Variants in WWOX observed in about 807,000 individuals in gnomAD.
WWOX encodes the protein WW domain-containing oxidoreductase.
Under a neutral mutation model 46.2 loss-of-function variants are expected in WWOX, and 69 were observed. The observed-to-expected ratio is 1.49, with a 90% CI of 1.23 to 1.82. WWOX has a LOEUF of 1.82. Among genes scored for constraint, WWOX ranks in the 40% most tolerant of loss-of-function variants. The probability of loss-of-function intolerance (pLI) is 0.00; values close to 1 mark genes in which losing one functional copy is unlikely to be tolerated. For synonymous variants in WWOX, 359 were observed against 202.6 expected, an observed-to-expected ratio of 1.77 and a Z score of -6.56; for missense variants, 919 against 542.6, an observed-to-expected ratio of 1.69 and a Z score of -6.89.
intron 8 of WWOX, among the ~76,000 whole-genome samples, chr16:78,640,575 T>C (rs1384263373): frequency 2.0e-5 from 3 of 152,132 alleles, no homozygotes; most frequent in African/African-American, 7.2e-5. Flanking sequence ...CAAACCACCA[T>C]GGCACACATT....
intron 5 of WWOX, among the ~76,000 whole-genome samples, chr16:78,219,131 A>T (rs79071273): frequency 0.018 from 2,747 of 152,210 alleles, 89 homozygotes; most frequent in African/African-American, 0.062. Context: ...CTCCTACATG[A>T]TAGAGACTAG....
At position 78,503,736 on chromosome 16, in the gene WWOX, C is replaced by T. The variant is rs542675001; in HGVS notation, c.1056+70984C>T. ...TCCAGTTAAAGAGCCTGTGTTCTAT[C>T]AGTTTACCCAGAAACTAGAAGGCCT... On this transcript the variant is annotated intron_variant, in intron 8 of 8. Coordinates refer to ENST00000566780, the MANE Select transcript of WWOX (RefSeq NM_016373.4). The T allele has an allele frequency of 7.2e-5, 11 of 152,300 alleles. No individual in the cohort carries two copies. In the South Asian group the frequency reaches 2.3e-3, roughly 32 times the overall value. 9.4% of individuals were successfully genotyped at this position (152,300 alleles called of 1,614,324 possible).
rs141749830 is a variant in WWOX at position 78,676,337 on chromosome 16, C to A, written c.1056+243585C>A. On this transcript the variant is annotated intron_variant, in intron 8 of 8. Coordinates refer to ENST00000566780, the MANE Select transcript of WWOX (RefSeq NM_016373.4). ...TTGTCCCCTTTTGTTCCTGCATTGC[C>A]CTCCATTCAGATCTTGTCACTTAGG... Among the ~76,000 whole-genome samples the A allele has an allele frequency of 2.1e-4, 32 of 152,092 alleles. No homozygotes were observed. In the East Asian group the frequency reaches 6.2e-3, roughly 30 times the overall value.
intron 8 of WWOX, among the ~76,000 whole-genome samples, chr16:78,990,876 C>T (rs759919774): frequency 4.6e-5 from 7 of 152,178 alleles, no homozygotes; most frequent in Non-Finnish European, 8.8e-5. Flanking sequence ...GGAGACAAAA[C>T]AGGTGATGAA....
intron 5 of WWOX, among the ~76,000 whole-genome samples, chr16:78,296,610 T>C (rs2079947543): frequency 6.6e-6 from 1 of 151,762 alleles, no homozygotes; most frequent in Non-Finnish European, 1.5e-5. Context: ...AATTATACTC[T>C]GTACACAGGG....
At chr16:78,294,722 G>A (rs1397958782) in intron 5 of WWOX, among the ~76,000 whole-genome samples, 1 of 152,072 alleles carries the variant, frequency 6.6e-6, no homozygotes, top group Non-Finnish European at 1.5e-5. Flanking sequence ...CAGGAAGGAA[G>A]AAAGGAAAGG....
At chr16:78,351,978 C>T (rs978146990) in intron 5 of WWOX, among the ~76,000 whole-genome samples, 2 of 152,098 alleles carry the variant, frequency 1.3e-5, no homozygotes, top group African/African-American at 4.8e-5. Flanking sequence ...TTTCTTCAAA[C>T]CTAGATCAAG....
intron 8 of WWOX, among the ~76,000 whole-genome samples, chr16:79,109,067 G>C (rs2049365285): frequency 6.6e-6 from 1 of 152,086 alleles, no homozygotes; most frequent in African/African-American, 2.4e-5. Context: ...TTGTGTCCGT[G>C]AGCATGTGTG....
chr16:78,968,191 G>T (rs185889860), intron 8 of WWOX, among the ~76,000 whole-genome samples: 6 of 150,452 alleles, frequency 4.0e-5, no homozygotes, highest in Admixed American at 4.0e-4. Flanking sequence ...GGCACAGTGC[G>T]TGGTCTGCAT....
At chr16:78,375,363 T>A (rs2081794130) in intron 5 of WWOX, among the ~76,000 whole-genome samples, 1 of 152,246 alleles carries the variant, frequency 6.6e-6, no homozygotes, top group African/African-American at 2.4e-5. Context: ...GGTAAGTTGT[T>A]GCTGCCACTA....
intron 8 of WWOX, among the ~76,000 whole-genome samples, chr16:79,063,200 G>T (rs1228106646): frequency 6.6e-6 from 1 of 152,202 alleles, no homozygotes; most frequent in Non-Finnish European, 1.5e-5. Flanking sequence ...ATTGCTTGCA[G>T]TATGTGAAAT....
chr16:78,518,512 C>A (rs374826215), intron 8 of WWOX, among the ~76,000 whole-genome samples: 1 of 152,178 alleles, frequency 6.6e-6, no homozygotes, highest in African/African-American at 2.4e-5. Flanking sequence ...TGAGTGACCA[C>A]GCCTGGCCCA....
At chr16:79,045,146 C>G (rs753302612) in intron 8 of WWOX, among the ~76,000 whole-genome samples, 6 of 152,188 alleles carry the variant, frequency 3.9e-5, no homozygotes, top group Non-Finnish European at 8.8e-5. Context: ...AATTCTATCG[C>G]ATTAACCTTT....
chr16:78,445,366 G>GCATT (rs1452549486), intron 8 of WWOX, among the ~76,000 whole-genome samples: 1 of 152,286 alleles, frequency 6.6e-6, no homozygotes, highest in Non-Finnish European at 1.5e-5. Context: ...TGATGTGCAT[G>GCATT]CATTCATTCA....
intron 5 of WWOX, among the ~76,000 whole-genome samples, chr16:78,300,194 A>G (rs2080015203): frequency 6.6e-6 from 1 of 152,238 alleles, no homozygotes; most frequent in African/African-American, 2.4e-5. Flanking sequence ...CGTTTATTCA[A>G]TAATTTCCTA....
intron 8 of WWOX, among the ~76,000 whole-genome samples, chr16:78,607,399 G>C (rs1252949746): frequency 6.6e-6 from 1 of 152,138 alleles, no homozygotes; most frequent in Admixed American, 6.5e-5. Flanking sequence ...AGTTTGGAAA[G>C]TTGTCAGCTT....
chr16:78,196,603 G>A (rs1197428012), intron 5 of WWOX, among the ~76,000 whole-genome samples: 1 of 152,200 alleles, frequency 6.6e-6, no homozygotes, highest in Non-Finnish European at 1.5e-5. Flanking sequence ...AGGAAAGATT[G>A]TGTTGGGGAG....
intron 8 of WWOX, among the ~76,000 whole-genome samples, chr16:78,695,354 A>C (rs1166152348): frequency 3.3e-5 from 5 of 151,780 alleles, no homozygotes; most frequent in African/African-American, 1.2e-4. Flanking sequence ...TCCCTCCCTC[A>C]TTTTTTAAGC....
intron 5 of WWOX, among the ~76,000 whole-genome samples, chr16:78,357,186 C>G (rs1328326632): frequency 6.6e-6 from 1 of 152,134 alleles, no homozygotes; most frequent in Non-Finnish European, 1.5e-5. Flanking sequence ...TGAGAGTACT[C>G]CTTATGAAGG....
Sources: allele counts gnomAD v4.1 joint callset (sites outside exome capture counted in the v4.1 genomes callset), GRCh38; gene constraint gnomAD v4.1.1; transcripts MANE v1.5; gene names NCBI Gene and HGNC (gene_info 2026-07-23, HGNC 2026-07-21).